The following DDX60 variants were observed in gnomAD, a reference collection of about 807,000 sequenced individuals.
The protein encoded by DDX60 is probable ATP-dependent RNA helicase DDX60.
Under a neutral mutation model 212.8 loss-of-function variants are expected in DDX60, and 165 were observed. The observed-to-expected ratio is 0.78, with a 90% CI of 0.68 to 0.88. The LOEUF (loss-of-function observed/expected upper bound fraction) is 0.88. Among genes scored for constraint, DDX60 ranks in the 40% least tolerant of loss-of-function variants. The probability of loss-of-function intolerance (pLI) is 0.00; values close to 1 mark genes in which losing one functional copy is unlikely to be tolerated. For missense variants in DDX60, 1,905 were observed against 2,003.9 expected (o/e 0.95, Z 0.94); for synonymous variants, 703 against 685.3 (o/e 1.03, Z -0.40).
intron 5 of DDX60, among the ~76,000 whole-genome samples, chr4:168,303,908 G>A (rs1220325688): frequency 6.6e-6 from 1 of 152,044 alleles, no homozygotes; most frequent in African/African-American, 2.4e-5. Flanking sequence ...CTCAAACCCA[G>A]GAGGCAGAGG....
At chr4:168,221,046 T>G (rs760849576) in intron 36 of DDX60, among the ~76,000 whole-genome samples, 3 of 152,214 alleles carry the variant, frequency 2.0e-5, no homozygotes, top group Non-Finnish European at 4.4e-5. Context: ...TATCATTTAC[T>G]AATGTCACAG....
In DDX60 at chr4:168,267,925, T is replaced by C; in HGVS notation, c.2845A>G (p.Thr949Ala). Residue 949 changes from threonine to alanine, a missense_variant, in exon 21 of 38, where the codon ACC (threonine) becomes GCC (alanine). Transcript: ENST00000393743. ...KQEDKIIENN[T>A]ASKRHVGRQA... ...CGACCCACATGTCTTTTAGAAGCGG[T>C]ATTATTTTCAATTATTTTGTCTTCT... 1.2e-5 allele frequency: 19 copies of C among 1,613,260 alleles called. No homozygotes were observed. The highest frequency in any genetic ancestry group is 1.6e-5 in the Non-Finnish European group (19 of 1,179,434).
intron 29 of DDX60, among the ~76,000 whole-genome samples, chr4:168,247,635 G>A (rs953064566): frequency 6.6e-6 from 1 of 152,164 alleles, no homozygotes; most frequent in East Asian, 1.9e-4. Context: ...AAGGAGAATG[G>A]AGAATCAGGG....
At chr4:168,257,926 G>A (rs1734478055) in intron 25 of DDX60, among the ~76,000 whole-genome samples, 1 of 152,162 alleles carries the variant, frequency 6.6e-6, no homozygotes, top group Non-Finnish European at 1.5e-5. Context: ...AACCAGAGCT[G>A]GCATCAATTT....
intron 7 of DDX60, among the ~76,000 whole-genome samples, chr4:168,293,484 G>T (rs1388259729): frequency 5.3e-5 from 8 of 152,098 alleles, no homozygotes; most frequent in Non-Finnish European, 1.5e-5. Context: ...CATACAAAAA[G>T]CCCAAAACAT....
At position 168,302,425 on chromosome 4, in the gene DDX60, T is replaced by C. The variant is rs187410996; in HGVS notation, c.607-9A>G. On this transcript the variant is annotated splice_polypyrimidine_tract_variant and intron_variant, in intron 5 of 37. Transcript: ENST00000393743. ...TTAATGTTCTGCTTATTCTGTAAAA[T>C]AAAGAAAAATCAGAAAAGTTGTTAT... 1.1e-5 allele frequency: 15 copies of C among 1,309,016 alleles called. No individual in the cohort carries two copies. In the Admixed American group the frequency reaches 1.9e-4, roughly 17 times the overall value. The allele number at this position is 1,309,016 out of a possible 1,614,324, so 81.1% of individuals were successfully genotyped here.
chr4:168,263,311 C>T (rs995393583), intron 22 of DDX60, among the ~76,000 whole-genome samples: 1 of 152,172 alleles, frequency 6.6e-6, no homozygotes, highest in African/African-American at 2.4e-5. Flanking sequence ...ACTGACAGGT[C>T]TGCTTTAAGT....
intron 3 of DDX60, 30 bp downstream of exon 3, chr4:168,310,968 T>C (rs753099939): frequency 1.5e-6 from 2 of 1,314,290 alleles, no homozygotes; most frequent in South Asian, 2.5e-5. Context: ...AGCTATGATT[T>C]CCCGTCTTTA....
intron 17 of DDX60, 115 bp downstream of exon 17, chr4:168,273,819 A>C (rs1735207431): frequency 8.0e-7 from 1 of 1,249,768 alleles, no homozygotes. Context: ...ACACTGAAAC[A>C]AGAAAATGCA....
intron 22 of DDX60, among the ~76,000 whole-genome samples, chr4:168,265,889 A>C (rs1734827731): frequency 8.9e-6 from 1 of 112,706 alleles, no homozygotes; most frequent in Non-Finnish European, 1.9e-5. Context: ...AGGGAAGGGA[A>C]GGGAAGGGAG....
intron 26 of DDX60, among the ~76,000 whole-genome samples, chr4:168,253,754 T>A (rs914665084): frequency 2.0e-5 from 3 of 152,172 alleles, no homozygotes; most frequent in African/African-American, 7.2e-5. Context: ...TCCACAGATA[T>A]CCTCATCTCA....
intron 14 of DDX60, 59 bp from the exon 15 acceptor site, chr4:168,276,240 T>C: frequency 1.4e-6 from 2 of 1,381,188 alleles, no homozygotes; most frequent in Non-Finnish European, 2.0e-6. Context: ...ATTCATTTGA[T>C]TACCCAAGAT....
upstream of DDX60, among the ~76,000 whole-genome samples, chr4:168,320,692 T>C (rs1023691214): frequency 6.6e-6 from 1 of 152,204 alleles, no homozygotes; most frequent in African/African-American, 2.4e-5. Context: ...AAATAATGGA[T>C]TGTGTTATAA....
In DDX60 at chr4:168,224,321, TC is replaced by T; in HGVS notation, c.4745del (p.Gly1582GlufsTer3). The T allele has an allele frequency of 6.2e-7, 1 of 1,612,360 alleles. No individual in the cohort carries two copies. The highest frequency in any genetic ancestry group is 8.5e-7 in the Non-Finnish European group (1 of 1,178,874). ...AAACAAATGGTGAAATTGCTACTCTTCCTTCCTTGCAGCTCATCAAATGAGA... is the reference window on the plus strand; with the variant it reads ...AAACAAATGGTGAAATTGCTACTCTTCTTCCTTGCAGCTCATCAAATGAGA... ...LVSHLMSCKE[G>X]RVAISPFVCL... On this transcript the variant is annotated frameshift_variant, in exon 35 of 38. Coordinates refer to ENST00000393743, the MANE Select transcript of DDX60 (RefSeq NM_017631.6). LOFTEE classifies it high-confidence loss of function.
chr4:168,236,253 T>G lies in DDX60; in HGVS notation c.4532A>C (p.Lys1511Thr). 6.2e-7 allele frequency: 1 copy of G among 1,609,758 alleles called. No individual in the cohort carries two copies. ...QDAHFEFYQS[K>T]VFLDDLPEDF... ...TTTTATCAGAATCACACAGTTTACC[T>G]TTGATTGATAAAACTCGAAGTGTGC... The change falls in exon 33 of 38, where the codon AAG becomes ACG. Residue 1511 changes from lysine (K) to threonine (T), a missense_variant and splice_region_variant. Lys to Thr is a moderately conservative substitution (Grantham distance 78). Coordinates refer to ENST00000393743, the MANE Select transcript of DDX60 (RefSeq NM_017631.6).
chr4:168,265,527 T>G (rs1480083169), intron 22 of DDX60: 2 of 152,178 alleles, frequency 1.3e-5, no homozygotes, highest in African/African-American at 4.8e-5. Context: ...AGAAGACTCA[T>G]ACAACAGCAT....
At chr4:168,271,431 C>A (rs1238559897) in intron 19 of DDX60, among the ~76,000 whole-genome samples, 1 of 152,156 alleles carries the variant, frequency 6.6e-6, no homozygotes, top group Non-Finnish European at 1.5e-5. Context: ...TCCTTTCCTG[C>A]AAAGCTACCT....
intron 35 of DDX60, 83 bp from the exon 36 acceptor site, chr4:168,221,964 T>C (rs1266927522): frequency 7.2e-7 from 1 of 1,380,416 alleles, no homozygotes; most frequent in Non-Finnish European, 9.8e-7. Flanking sequence ...TGTAGATACA[T>C]CCTTTAGTTA....
At chr4:168,250,525 CTTT>C (rs59885639) in intron 28 of DDX60, among the ~76,000 whole-genome samples, 5 of 138,030 alleles carry the variant, frequency 3.6e-5, no homozygotes, top group Admixed American at 7.3e-5. Context: ...GATATCATGA[CTTT>C]TTTTTTTTTT....
Sources: allele counts gnomAD v4.1 joint callset (sites outside exome capture counted in the v4.1 genomes callset), GRCh38; gene constraint gnomAD v4.1.1; transcripts MANE v1.5; gene names NCBI Gene and HGNC (gene_info 2026-07-23, HGNC 2026-07-21).